The following AGRN variants were observed in gnomAD, a reference collection of about 807,000 sequenced individuals.
AGRN encodes agrin, also known as agrin proteoglycan.
A neutral mutation model predicts 211.0 loss-of-function variants in AGRN; 106 were observed. That is an observed-to-expected ratio of 0.50 (90% CI 0.43 to 0.59). The LOEUF (loss-of-function observed/expected upper bound fraction) is 0.59, where lower values mean the gene tolerates loss of function less well. AGRN is among the 20% of genes least tolerant of loss of function. AGRN has a pLI of 0.00. For synonymous variants in AGRN, 1,525 were observed against 1,332.5 expected, an observed-to-expected ratio of 1.14 and a Z score of -3.15; for missense variants, 3,040 against 2,982.6, an observed-to-expected ratio of 1.02 and a Z score of -0.45.
intron 2 of AGRN, among the ~76,000 whole-genome samples, chr1:1,030,377 A>ATG (rs201683978): frequency 6.1e-3 from 71 of 11,662 alleles, no homozygotes; most frequent in Non-Finnish European, 0.012. Context: ...TGAGATCAGC[A>ATG]TGTGTGTGTG....
At chr1:1,050,144 G>C in intron 27 of AGRN, 89 bp from the exon 28 acceptor site, 2 of 1,594,262 alleles carry the variant, frequency 1.3e-6, no homozygotes, top group Non-Finnish European at 8.6e-7. Context: ...AGTCTAGTCT[G>C]GGTTTTGAGT....
Position 1,041,475 on chromosome 1 carries a change from C to T in AGRN, c.953-3C>T, listed in dbSNP as rs779928107. The T allele has an allele frequency of 2.5e-6, 4 of 1,590,320 alleles. No homozygotes were observed. The highest frequency in any genetic ancestry group is 1.6e-4 in the Middle Eastern group (1 of 6,066). ...CGTCCTGACTCCTGCCCTCGACCCC[C>T]AGACCCCTGTCAGGGCGCCCTCCCT... On this transcript the variant is annotated splice_polypyrimidine_tract_variant and splice_region_variant and intron_variant, in intron 5 of 35. Coordinates refer to ENST00000379370, the MANE Select transcript of AGRN (RefSeq NM_198576.4).
At chr1:1,024,181 TG>T (rs1644469685) in intron 2 of AGRN, among the ~76,000 whole-genome samples, 1 of 151,832 alleles carries the variant, frequency 6.6e-6, no homozygotes, top group Admixed American at 6.6e-5. Context: ...CTCGGGTGGC[TG>T]GGGTCCCTGG....
chr1:1,051,225 C>A, intron 30 of AGRN, 28 bp from the exon 31 acceptor site: 1 of 1,573,338 alleles, frequency 6.4e-7, no homozygotes, highest in Non-Finnish European at 8.6e-7. Flanking sequence ...GTGGGCTCTG[C>A]ACAGCCACTT....
At chr1:1,044,511 G>T in intron 12 of AGRN, 72 bp downstream of exon 12, 1 of 1,442,216 alleles carries the variant, frequency 6.9e-7, no homozygotes, top group South Asian at 1.2e-5. Context: ...GGATGTGGGC[G>T]TGCCCGTGTG....
At position 1,053,939 on chromosome 1, in the gene AGRN, C is replaced by T. The variant is rs376329821; in HGVS notation, c.5838C>T (p.Pro1946=). 56 of 1,604,280 alleles carry T rather than the reference C, an allele frequency of 3.5e-5. No homozygotes were observed. Among genetic ancestry groups the T allele is most frequent in the African/African-American group, 2.1e-4 (16 of 74,836 alleles). ...SQPVVLRSTV[P]VNTNRWLRVV... ...CCGTGGTGCTGCGTTCCACCGTGCC[C>T]GTCAACACCAACCGCTGGTTGCGGG... The change falls in exon 34 of 36, where the codon CCC becomes CCT. Residue 1946 remains proline (P), a synonymous_variant. Coordinates refer to ENST00000379370, the MANE Select transcript of AGRN (RefSeq NM_198576.4).
intron 1 of AGRN, among the ~76,000 whole-genome samples, chr1:1,021,503 A>C (rs1258907839): frequency 2.6e-5 from 4 of 152,180 alleles, no homozygotes; most frequent in African/African-American, 9.7e-5. Flanking sequence ...CCAGCCCCCC[A>C]GATCTGAGGA....
Position 1,050,070 on chromosome 1 carries a change from G to GAA in AGRN, c.4879+33_4879+34insAA. The GAA allele has an allele frequency of 8.5e-6, 11 of 1,297,504 alleles. 1 individual carries two copies. Among genetic ancestry groups the GAA allele is most frequent in the African/African-American group, 7.9e-5 (5 of 63,538 alleles). 80.4% of individuals were successfully genotyped at this position (1,297,504 alleles called of 1,614,324 possible). On this transcript the variant is annotated intron_variant, in intron 27 of 35. Coordinates refer to ENST00000379370, the MANE Select transcript of AGRN (RefSeq NM_198576.4). ...GCGTGGGGCTCTCGGGGCAGGGGGG[G>GAA]GGGGGGGGTTGAACGTTTGGGCGGG...
At chr1:1,050,915 C>A in intron 30 of AGRN, 78 bp downstream of exon 30, 1 of 1,528,628 alleles carries the variant, frequency 6.5e-7, no homozygotes. Context: ...CCCCTGCCGG[C>A]GCTCACGGAG....
intron 2 of AGRN, among the ~76,000 whole-genome samples, chr1:1,023,789 G>C (rs3845292): frequency 0.51 from 77,334 of 151,946 alleles, 20,683 homozygotes; most frequent in East Asian, 0.81. Context: ...CCGCTCTACG[G>C]GTGCCAGGCA....
Position 1,043,222 on chromosome 1 carries a change from C to T in AGRN, c.1385-17C>T, listed in dbSNP as rs774554552. Reference sequence around the variant, plus strand: ...GGGGGGGCTTGTGGGACCACTGAGCCCCTGTGTCCTTCCCAGACCAGGCCC... The same window carrying T: ...GGGGGGGCTTGTGGGACCACTGAGCTCCTGTGTCCTTCCCAGACCAGGCCC... On this transcript the variant is annotated splice_polypyrimidine_tract_variant and intron_variant, in intron 7 of 35. Coordinates refer to ENST00000379370, the MANE Select transcript of AGRN (RefSeq NM_198576.4). 6.8e-7 allele frequency: 1 copy of T among 1,473,746 alleles called. No individual in the cohort carries two copies. Among genetic ancestry groups the T allele is most frequent in the Non-Finnish European group, 9.1e-7 (1 of 1,097,448 alleles). The allele number at this position is 1,473,746 out of a possible 1,614,324, so 91.3% of individuals were successfully genotyped here. A position where few individuals can be genotyped will look rare whatever the true frequency, so the allele number is the denominator to read the frequency against.
At chr1:1,054,296 A>C (rs1645393245) in intron 34 of AGRN, 152 bp from the exon 35 acceptor site, 13 of 758,542 alleles carry the variant, frequency 1.7e-5, no homozygotes, top group Admixed American at 2.5e-5. Flanking sequence ...CCTTGGGGTC[A>C]AGGCCACCTC....
chr1:1,041,732 G>A, intron 6 of AGRN, 30 bp downstream of exon 6: 1 of 1,548,668 alleles, frequency 6.5e-7, no homozygotes, highest in Non-Finnish European at 8.7e-7. Context: ...GAGGGCTCCG[G>A]CCAGTGCCAG....
chr1:1,034,480 C>A, intron 2 of AGRN: 1 of 985,736 alleles, frequency 1.0e-6, no homozygotes, highest in Non-Finnish European at 1.2e-6. Flanking sequence ...GGCGAGCAGC[C>A]CTGAAGAGGC....
At chr1:1,025,726 G>A (rs987266238) in intron 2 of AGRN, among the ~76,000 whole-genome samples, 4 of 151,948 alleles carry the variant, frequency 2.6e-5, no homozygotes, top group Admixed American at 6.6e-5. Flanking sequence ...GGGGTCTGCC[G>A]GGTGGGAGGG....
intron 7 of AGRN, 110 bp downstream of exon 7, chr1:1,042,272 G>A (rs1486846233): frequency 6.1e-5 from 82 of 1,333,464 alleles, no homozygotes; most frequent in Non-Finnish European, 8.0e-5. Flanking sequence ...GGTCCTGGGA[G>A]TGGGCCGGTC....
At chr1:1,046,369 C>T (rs917801075) in intron 17 of AGRN, 28 bp from the exon 18 acceptor site, 1 of 1,601,930 alleles carries the variant, frequency 6.2e-7, no homozygotes. Flanking sequence ...CCCAACCGGT[C>T]CCCCCGCCAA....
Position 1,048,832 on chromosome 1 carries a change from C to T in AGRN, c.4106-35C>T. 4 of 1,510,074 alleles carry T rather than the reference C, an allele frequency of 2.6e-6. No homozygotes were observed. The highest frequency in any genetic ancestry group is 1.2e-5 in the South Asian group (1 of 82,396). The allele number at this position is 1,510,074 out of a possible 1,614,324, so 93.5% of individuals were successfully genotyped here. ...GGATAAAAGTGGGGAATCCTCGGAG[C>T]TTTTCCAGCCGGCCCTCCCGGTCGC... On this transcript the variant is annotated intron_variant, in intron 23 of 35. Coordinates refer to ENST00000379370, the MANE Select transcript of AGRN (RefSeq NM_198576.4). The surrounding 1 kb of genome is among the most constrained non-coding windows in gnomAD (Gnocchi z 5.9).
rs747952589 is a variant in AGRN at position 1,041,281 on chromosome 1, C to T, written c.836C>T (p.Ala279Val). The change falls in exon 5 of 36, where the codon GCC becomes GTC. Residue 279 changes from alanine to valine, a missense_variant. Physicochemically the swap from Ala to Val is moderately conservative, Grantham distance 64 (BLOSUM62 0). Transcript: ENST00000379370. ...SCLCPATCRG[A>V]PEGTVCGSDG... ...CTGTGCCCCGCGACCTGCCGTGGCG[C>T]CCCCGAGGGGACCGTCTGCGGCAGC... 6.0e-6 allele frequency: 9 copies of T among 1,512,126 alleles called. No individual in the cohort carries two copies. The highest frequency in any genetic ancestry group is 4.3e-5 in the African/African-American group (3 of 69,982). The allele number at this position is 1,512,126 out of a possible 1,614,324, so 93.7% of individuals were successfully genotyped here.
Sources: allele counts gnomAD v4.1 joint callset (sites outside exome capture counted in the v4.1 genomes callset), GRCh38; gene constraint gnomAD v4.1.1; non-coding constraint Gnocchi (gnomAD v3.1); transcripts MANE v1.5; gene names NCBI Gene and HGNC (gene_info 2026-07-23, HGNC 2026-07-21).